MYO5A: variants seen among roughly 807,000 people sequenced by gnomAD.
MYO5A encodes unconventional myosin-Va.
A neutral mutation model predicts 249.7 loss-of-function variants in MYO5A; 98 were observed. That is an observed-to-expected ratio of 0.39 (90% CI 0.33 to 0.46). The LOEUF (loss-of-function observed/expected upper bound fraction) is 0.46, where lower values mean the gene tolerates loss of function less well. MYO5A is among the 20% of genes least tolerant of loss of function. MYO5A has a pLI of 0.98. For missense variants in MYO5A, 1,696 were observed against 2,308.8 expected (o/e 0.73, Z 5.44); for synonymous variants, 778 against 810.6 (o/e 0.96, Z 0.68).
rs78573201 is a variant in MYO5A, at chr15:52,326,023, G to A, written c.4710+1829C>T. Among the ~76,000 whole-genome samples the A allele has an allele frequency of 4.6e-5, 7 of 152,318 alleles. No individual in the cohort carries two copies. In the East Asian group the frequency reaches 1.3e-3, roughly 29 times the overall value. On this transcript the variant is annotated intron_variant, in intron 36 of 41. Transcript: ENST00000399233. ...TTTGATTTATTAGAAATGATCATAAGCTAAAAACTGTATGGATTCTCTGCA... is the reference window on the plus strand; with the variant it reads ...TTTGATTTATTAGAAATGATCATAAACTAAAAACTGTATGGATTCTCTGCA...
chr15:52,458,073 A>C (rs886377379), intron 1 of MYO5A, among the ~76,000 whole-genome samples: 1 of 152,238 alleles, frequency 6.6e-6, no homozygotes, highest in Admixed American at 6.5e-5. Flanking sequence ...GGAGGTAAAG[A>C]GTAAAATTAT....
chr15:52,388,059 C>A (rs1399181580), intron 13 of MYO5A, 147 bp from the exon 14 acceptor site: 2 of 667,962 alleles, frequency 3.0e-6, no homozygotes, highest in African/African-American at 1.8e-5. Context: ...GAAACCAAGG[C>A]CATTCCTGGT....
At chr15:52,463,548 A>T (rs1014882039) in intron 1 of MYO5A, among the ~76,000 whole-genome samples, 14 of 152,310 alleles carry the variant, frequency 9.2e-5, no homozygotes, top group Admixed American at 8.5e-4. Context: ...TCTCTTACAG[A>T]CATTTTCATC....
chr15:52,448,020 T>A (rs760167185), intron 1 of MYO5A, among the ~76,000 whole-genome samples: 1 of 152,186 alleles, frequency 6.6e-6, no homozygotes, highest in Non-Finnish European at 1.5e-5. Flanking sequence ...GGGCACTGCC[T>A]AGTGGAGCTG....
At chr15:52,389,177 C>G in intron 13 of MYO5A, 61 bp downstream of exon 13, 1 of 1,541,862 alleles carries the variant, frequency 6.5e-7, no homozygotes, top group Non-Finnish European at 8.9e-7. Context: ...TACCTCCTGA[C>G]TATTGGGTTT....
At chr15:52,520,418 T>G (rs553897333) in intron 1 of MYO5A, among the ~76,000 whole-genome samples, 5 of 152,240 alleles carry the variant, frequency 3.3e-5, no homozygotes, top group African/African-American at 1.2e-4. Flanking sequence ...GCTCTCTTCC[T>G]CCAGGCCCAG....
intron 1 of MYO5A, among the ~76,000 whole-genome samples, chr15:52,516,170 A>G (rs1417496055): frequency 6.6e-6 from 1 of 152,172 alleles, no homozygotes; most frequent in Non-Finnish European, 1.5e-5. Flanking sequence ...GATTCAAACC[A>G]AGATCCAGTA....
intron 1 of MYO5A, among the ~76,000 whole-genome samples, chr15:52,457,797 C>G (rs2076149718): frequency 6.6e-6 from 1 of 152,176 alleles, no homozygotes; most frequent in African/African-American, 2.4e-5. Flanking sequence ...ATGTCAAAAG[C>G]ATATCTGCAC....
At chr15:52,459,967 C>T (rs1407165806) in intron 1 of MYO5A, among the ~76,000 whole-genome samples, 5 of 150,630 alleles carry the variant, frequency 3.3e-5, no homozygotes, top group African/African-American at 1.2e-4. Flanking sequence ...ACCTCCCAGA[C>T]GGGGTGGCGG....
At chr15:52,329,222 A>C (rs1042851686) in intron 35 of MYO5A, 1 of 152,220 alleles carries the variant, frequency 6.6e-6, no homozygotes, top group Non-Finnish European at 1.5e-5. Flanking sequence ...CTTAAAAACC[A>C]GTGGCTCCTT....
At chr15:52,520,662 TGGCTGG>T (rs1331356259) in intron 1 of MYO5A, among the ~76,000 whole-genome samples, 4 of 152,204 alleles carry the variant, frequency 2.6e-5, no homozygotes, top group Non-Finnish European at 5.9e-5. Context: ...AAAACAGCTG[TGGCTGG>T]TAAACTGACT....
Position 52,364,710 on chromosome 15 carries a change from TA to T in MYO5A, c.3161-9del, listed in dbSNP as rs766898511. The T allele has an allele frequency of 6.2e-7, 1 of 1,613,136 alleles. No individual in the cohort carries two copies. Among genetic ancestry groups the T allele is most frequent in the Non-Finnish European group, 8.5e-7 (1 of 1,179,652 alleles). ...ACTTCTTCTCCATAGTTTCTGAAAT[TA>T]AAAAAAGGATATGCATACTAAAGAT... On this transcript the variant is annotated splice_polypyrimidine_tract_variant and intron_variant, in intron 23 of 41. Coordinates refer to ENST00000399233, the MANE Select transcript of MYO5A (RefSeq NM_001382347.1).
At chr15:52,513,818 T>C (rs1333158480) in intron 1 of MYO5A, among the ~76,000 whole-genome samples, 1 of 152,156 alleles carries the variant, frequency 6.6e-6, no homozygotes, top group African/African-American at 2.4e-5. Context: ...GAGAGTAGCA[T>C]GTTGAGATCT....
intron 1 of MYO5A, among the ~76,000 whole-genome samples, chr15:52,510,452 G>A (rs1015567645): frequency 6.6e-6 from 1 of 152,052 alleles, no homozygotes; most frequent in African/African-American, 2.4e-5. Flanking sequence ...AAGAATCTAG[G>A]TCAAGGGTCC....
chr15:52,396,476 G>T lies in MYO5A; in HGVS notation c.1320-79C>A. ...AAAAATATTCAAAATATACACATTA[G>T]GAAGAAAGAAGTGGGACATTCCCCA... On this transcript the variant is annotated intron_variant, in intron 10 of 41. Coordinates refer to ENST00000399233, the MANE Select transcript of MYO5A (RefSeq NM_001382347.1). 3 of 818,790 alleles carry T rather than the reference G, an allele frequency of 3.7e-6. No homozygotes were observed. In the South Asian group the frequency reaches 4.7e-5, roughly 13 times the overall value. 50.7% of individuals were successfully genotyped at this position (818,790 alleles called of 1,614,324 possible).
intron 1 of MYO5A, among the ~76,000 whole-genome samples, chr15:52,507,403 A>G (rs577289254): frequency 7.2e-5 from 11 of 152,362 alleles, no homozygotes; most frequent in Admixed American, 5.9e-4. Flanking sequence ...TGGTGCTGAC[A>G]TTGCTGAGTT....
intron 39 of MYO5A, among the ~76,000 whole-genome samples, chr15:52,317,423 T>C (rs2140916632): frequency 6.6e-6 from 1 of 152,344 alleles, no homozygotes; most frequent in South Asian, 2.1e-4. Context: ...TAAGACTAAA[T>C]GACAAGATAA....
chr15:52,401,948 G>A (rs1031892196), intron 9 of MYO5A, among the ~76,000 whole-genome samples: 4 of 152,008 alleles, frequency 2.6e-5, no homozygotes, highest in African/African-American at 9.7e-5. Flanking sequence ...TATTAATTTT[G>A]GCATTCTTAG....
intron 1 of MYO5A, among the ~76,000 whole-genome samples, chr15:52,459,005 T>TG (rs1555456326): frequency 1.3e-5 from 2 of 151,774 alleles, no homozygotes; most frequent in Non-Finnish European, 2.9e-5. Flanking sequence ...AATTCTTTTT[T>TG]GGGGGGCAGG....
Sources: gnomAD v4.1 joint callset for allele counts (sites outside exome capture counted in the v4.1 genomes callset) on GRCh38, gnomAD v4.1.1 for gene constraint, MANE v1.5 for transcripts, NCBI Gene and HGNC (gene_info 2026-07-23, HGNC 2026-07-21) for gene names.